GYPC: variants seen among roughly 807,000 people sequenced by gnomAD.
The protein encoded by GYPC is glycophorin-C.
In GYPC, 14 loss-of-function variants were observed where a neutral mutation model predicts 12.6. That is an observed-to-expected ratio of 1.11 (90% CI 0.74 to 1.74). The LOEUF is 1.74. Ranked by LOEUF, GYPC falls within the 40% of genes most tolerant of loss-of-function variation. GYPC has a pLI of 0.00. For missense variants in GYPC, 225 were observed against 172.1 expected (o/e 1.31, Z -1.72); for synonymous variants, 78 against 62.1 (o/e 1.26, Z -1.20).
chr2:126,683,183 G>T (rs1177064525), intron 1 of GYPC, among the ~76,000 whole-genome samples: 1 of 152,124 alleles, frequency 6.6e-6, no homozygotes, highest in Non-Finnish European at 1.5e-5. Context: ...GCCAGACATG[G>T]TGGCAAGTGC....
intron 1 of GYPC, among the ~76,000 whole-genome samples, chr2:126,665,098 T>C (rs1254264654): frequency 1.3e-5 from 2 of 152,236 alleles, no homozygotes; most frequent in Non-Finnish European, 2.9e-5. Flanking sequence ...TATTTCATTA[T>C]TGCAGAAGCA....
intron 1 of GYPC, among the ~76,000 whole-genome samples, chr2:126,689,817 C>T (rs28387200): frequency 4.6e-5 from 7 of 152,320 alleles, no homozygotes; most frequent in East Asian, 1.9e-4. Flanking sequence ...CTCTTCTTTA[C>T]AAATTACCCA....
chr2:126,683,719 G>A (rs983220159), intron 1 of GYPC, among the ~76,000 whole-genome samples: 11 of 152,144 alleles, frequency 7.2e-5, no homozygotes, highest in Non-Finnish European at 1.5e-4. Context: ...TCTAAGTCAC[G>A]GCAGCCTCAC....
chr2:126,691,541 C>T (rs2280239), intron 2 of GYPC, among the ~76,000 whole-genome samples: 89,936 of 151,942 alleles, frequency 0.59, 27,104 homozygotes, highest in African/African-American at 0.7. Context: ...GAGCAGTCAT[C>T]GGGCCATTGA....
chr2:126,686,670 G>A (rs1056813255), intron 1 of GYPC: 6 of 985,280 alleles, frequency 6.1e-6, no homozygotes, highest in Admixed American at 6.2e-5. Context: ...GGGGCCGGGG[G>A]GACCTTGCAA....
rs1258352608 is a variant in GYPC, at chr2:126,696,133, C to T, written c.378C>T (p.Tyr126=). The change falls in exon 4 of 4, where the codon TAC becomes TAT. Residue 126 remains tyrosine, a synonymous_variant. Transcript: ENST00000259254. ...CTGGTGATAGCAGCAGAAAGGAGTA[C>T]TTTATTTGAGGGACAACAGACTTCA... is the stretch of plus-strand genomic sequence containing the variant. ...QDAGDSSRKE[Y]FI is the part of the protein sequence containing the mutation. 1 of 1,613,064 alleles carries T rather than the reference C, an allele frequency of 6.2e-7. No homozygotes were observed. Among genetic ancestry groups the T allele is most frequent in the Non-Finnish European group, 8.5e-7 (1 of 1,179,028 alleles).
At chr2:126,666,777 GCA>G (rs780569511) in intron 1 of GYPC, among the ~76,000 whole-genome samples, 1 of 120,930 alleles carries the variant, frequency 8.3e-6, no homozygotes, top group African/African-American at 3.2e-5. Flanking sequence ...ACACACACAA[GCA>G]CACACACATT....
chr2:126,690,143 A>G lies in GYPC; in HGVS notation c.50-112A>G, dbSNP rs1348168770. The G allele has an allele frequency of 1.1e-5, 9 of 806,500 alleles. No homozygotes were observed. In the Admixed American group the frequency reaches 1.4e-4, roughly 13 times the overall value. 50.0% of individuals were successfully genotyped at this position (806,500 alleles called of 1,614,324 possible). A position where few individuals can be genotyped will look rare whatever the true frequency, so the allele number is the denominator to read the frequency against. On this transcript the variant is annotated intron_variant, in intron 1 of 3. Coordinates refer to ENST00000259254, the MANE Select transcript of GYPC (RefSeq NM_002101.5). Reference sequence around the variant, plus strand: ...CACCACACTGTCTCTGTCCACTTGAACCCATTCTCAGAGCTGCTCACACCT... The same window carrying G: ...CACCACACTGTCTCTGTCCACTTGAGCCCATTCTCAGAGCTGCTCACACCT...
intron 1 of GYPC, among the ~76,000 whole-genome samples, chr2:126,681,446 G>A (rs570906662): frequency 9.2e-5 from 14 of 152,210 alleles, no homozygotes; most frequent in South Asian, 4.2e-4. Flanking sequence ...CTACTTTCCC[G>A]AGCACGGACT....
intron 1 of GYPC, among the ~76,000 whole-genome samples, chr2:126,677,432 A>T (rs113073890): frequency 5.1e-5 from 7 of 138,426 alleles, no homozygotes; most frequent in African/African-American, 1.9e-4. Context: ...AGAATGTGAG[A>T]GAGTAGGAGT....
intron 1 of GYPC, among the ~76,000 whole-genome samples, chr2:126,685,353 G>A (rs1460295538): frequency 6.6e-6 from 1 of 151,654 alleles, no homozygotes; most frequent in Non-Finnish European, 1.5e-5. Context: ...AAGCCTTTCT[G>A]CTTCAGAGTG....
At chr2:126,694,122 A>G (rs1683567773) in intron 3 of GYPC, among the ~76,000 whole-genome samples, 175 bp downstream of exon 3, 1 of 152,070 alleles carries the variant, frequency 6.6e-6, no homozygotes, top group Admixed American at 6.6e-5. Context: ...AAATATATAT[A>G]TACATGCATA....
At chr2:126,667,273 T>C (rs11694376) in intron 1 of GYPC, among the ~76,000 whole-genome samples, 93,451 of 152,176 alleles carry the variant, frequency 0.61, 30,123 homozygotes, top group Admixed American at 0.7. Context: ...TGAATCCCTC[T>C]GGAGTGTATC....
intron 1 of GYPC, among the ~76,000 whole-genome samples, chr2:126,657,337 C>A (rs1682391295): frequency 1.3e-5 from 2 of 152,218 alleles, no homozygotes; most frequent in African/African-American, 2.4e-5. Flanking sequence ...GGGAGCGAGG[C>A]CCCTCAGTCT....
intron 2 of GYPC, among the ~76,000 whole-genome samples, chr2:126,692,018 T>C (rs553268848): frequency 8.1e-4 from 123 of 152,298 alleles, no homozygotes; most frequent in African/African-American, 2.7e-3. Flanking sequence ...ATGCATTTAC[T>C]CATGCATTCA....
chr2:126,677,587 G>A lies in GYPC; in HGVS notation c.50-12668G>A, dbSNP rs141372377. Among the ~76,000 whole-genome samples, 1,260 of 152,024 alleles carry A rather than the reference G, an allele frequency of 8.3e-3. 21 individuals carry two copies. Among genetic ancestry groups the A allele is most frequent in the African/African-American group, 0.029 (1,194 of 41,446 alleles). ...AGTGTATGTGTGTGAGTGTGTGAGTGTGTATGTTCATCCTTAAATATATGA... is the reference window on the plus strand; with the variant it reads ...AGTGTATGTGTGTGAGTGTGTGAGTATGTATGTTCATCCTTAAATATATGA... On this transcript the variant is annotated intron_variant, in intron 1 of 3. Coordinates refer to ENST00000259254, the MANE Select transcript of GYPC (RefSeq NM_002101.5).
At chr2:126,664,301 G>T (rs565840178) in intron 1 of GYPC, among the ~76,000 whole-genome samples, 1 of 152,046 alleles carries the variant, frequency 6.6e-6, no homozygotes, top group South Asian at 2.1e-4. Context: ...TAGAGATGAG[G>T]CTCCACTCCA....
intron 1 of GYPC, among the ~76,000 whole-genome samples, chr2:126,688,570 C>A (rs1024898854): frequency 4.6e-5 from 7 of 152,194 alleles, no homozygotes; most frequent in African/African-American, 7.2e-5. Flanking sequence ...GCTGGATCCT[C>A]TACCCTGCCT....
intron 1 of GYPC, among the ~76,000 whole-genome samples, chr2:126,663,659 C>CA (rs1230278193): frequency 6.6e-6 from 1 of 152,172 alleles, no homozygotes; most frequent in Non-Finnish European, 1.5e-5. Context: ...TCCATGTAGG[C>CA]AAACAAGGTC....
Sources: allele counts gnomAD v4.1 joint callset (sites outside exome capture counted in the v4.1 genomes callset), GRCh38; gene constraint gnomAD v4.1.1; transcripts MANE v1.5; gene names NCBI Gene and HGNC (gene_info 2026-07-23, HGNC 2026-07-21).